FBXO31: variants seen among roughly 807,000 people sequenced by gnomAD.
FBXO31 encodes F-box protein 31.
In FBXO31, 24 loss-of-function variants were observed where a neutral mutation model predicts 54.4. The observed-to-expected ratio is 0.44, with a 90% CI of 0.32 to 0.62. The LOEUF is 0.62. Ranked by LOEUF, FBXO31 falls within the 20% of genes least tolerant of loss-of-function variation. FBXO31 has a pLI of 0.05. For synonymous variants in FBXO31, 388 were observed against 335.6 expected (o/e 1.16, Z -1.71); for missense variants, 665 against 787.1 (o/e 0.84, Z 1.86).
chr16:87,336,008 G>A lies in FBXO31; in HGVS notation c.842+147C>T, dbSNP rs1000457575. 1 of 620,726 alleles carries A rather than the reference G, an allele frequency of 1.6e-6. No individual in the cohort carries two copies. The highest frequency in any genetic ancestry group is 2.8e-6 in the Non-Finnish European group (1 of 356,168). The allele number at this position is 620,726 out of a possible 1,614,324, so 38.5% of individuals were successfully genotyped here. ...CCAAGCACCCAGAGAGAGAGGGGCT[G>A]TACTCCCAGCCCCCAGCAGGAGAGA... On this transcript the variant is annotated intron_variant, in intron 6 of 8. Transcript: ENST00000311635. This position sits in a 1 kb window ranked among gnomAD's most constrained non-coding sequence, Gnocchi z 6.5.
upstream of FBXO31, among the ~76,000 whole-genome samples, chr16:87,390,764 TTTC>T (rs1461431910): frequency 6.6e-6 from 1 of 152,056 alleles, no homozygotes; most frequent in Non-Finnish European, 1.5e-5. Flanking sequence ...TCATACTTTT[TTTC>T]TTCTTTTTTG....
chr16:87,383,913 G>T (rs1397263964), upstream of FBXO31: 9 of 384,298 alleles, frequency 2.3e-5, no homozygotes, highest in East Asian at 7.3e-5. The surrounding 1 kb of genome is among the most constrained non-coding windows in gnomAD (Gnocchi z 4.9). Flanking sequence ...TCCCCGCGGG[G>T]CGGCGACCTC....
At chr16:87,361,160 T>C (rs555476705) in intron 1 of FBXO31, among the ~76,000 whole-genome samples, 26 of 152,330 alleles carry the variant, frequency 1.7e-4, no homozygotes, top group Non-Finnish European at 2.4e-4. Flanking sequence ...AACACCTGCA[T>C]TGAGCTTTCC....
At chr16:87,382,825 G>A (rs1157716354) in intron 1 of FBXO31, among the ~76,000 whole-genome samples, 4 of 152,088 alleles carry the variant, frequency 2.6e-5, no homozygotes, top group African/African-American at 4.8e-5. Flanking sequence ...AAGTAGAGAC[G>A]GGGTTTTACC....
chr16:87,333,088 G>A (rs996048949), intron 8 of FBXO31, among the ~76,000 whole-genome samples: 14 of 152,232 alleles, frequency 9.2e-5, no homozygotes, highest in African/African-American at 3.1e-4. Context: ...AGCTCTAAAG[G>A]GTAAGGACAC....
At chr16:87,364,235 G>A (rs796337725) in intron 1 of FBXO31, among the ~76,000 whole-genome samples, 3 of 152,306 alleles carry the variant, frequency 2.0e-5, no homozygotes, top group Admixed American at 6.5e-5. Context: ...CCCACAAGAC[G>A]CCTCACCGCA....
In FBXO31 at chr16:87,336,800, T is replaced by A. The variant is rs572453484; in HGVS notation, c.733-536A>T. Among the ~76,000 whole-genome samples the A allele has an allele frequency of 4.6e-5, 7 of 152,272 alleles. No individual in the cohort carries two copies. In the South Asian group the frequency reaches 1.5e-3, roughly 32 times the overall value. The stretch of plus-strand genomic sequence containing the variant: ...CTTTTTCAAAGGAAAAGCAGGTATG[T>A]TAAGGCGGTTCCCAAAAACTCCGCA... On this transcript the variant is annotated intron_variant, in intron 5 of 8. Coordinates refer to ENST00000311635, the MANE Select transcript of FBXO31 (RefSeq NM_024735.5). This position sits in a 1 kb window ranked among gnomAD's most constrained non-coding sequence, Gnocchi z 6.5.
intron 2 of FBXO31, among the ~76,000 whole-genome samples, chr16:87,349,491 T>C (rs1339366006): frequency 1.3e-5 from 2 of 152,112 alleles, no homozygotes; most frequent in Admixed American, 6.5e-5. Context: ...CCAAGGCAGA[T>C]GGATCACGAG....
rs1276153774 is a variant in FBXO31 at position 87,346,424 on chromosome 16, A to C, written c.489+750T>G. ...CCCAAAAAGATTAACAAAGAGAAGG[A>C]AAACTTCACCGAAAAACGGGAATTT... is the stretch of plus-strand genomic sequence containing the variant. On this transcript the variant is annotated intron_variant, in intron 3 of 8. Transcript: ENST00000311635. The surrounding 1 kb of genome is among the most constrained non-coding windows in gnomAD (Gnocchi z 4.2). Among the ~76,000 whole-genome samples the C allele has an allele frequency of 3.3e-5, 5 of 152,222 alleles. No homozygotes were observed.
chr16:87,364,026 G>A (rs977587154), intron 1 of FBXO31, among the ~76,000 whole-genome samples: 4 of 152,208 alleles, frequency 2.6e-5, no homozygotes, highest in East Asian at 1.9e-4. Context: ...CAGGGCTGGC[G>A]GGGTGAGAGC....
intron 8 of FBXO31, among the ~76,000 whole-genome samples, chr16:87,332,767 C>A (rs1271504010): frequency 6.6e-6 from 1 of 152,008 alleles, no homozygotes; most frequent in Non-Finnish European, 1.5e-5. Context: ...CTGTGGCACC[C>A]TTCCCTCCGT....
rs1000666818 is a variant in FBXO31, at chr16:87,383,561, G to A, written c.184C>T (p.Pro62Ser). ...AGCTCCAGCAGCGAGCAGCGCGGGG[G>A]CGGCGGCGAGGGGCCCGCGCACAAG... The part of the protein sequence containing the change: ...GGLCAGPSPP[P>S]PRCSLLELPP... The change falls in exon 1 of 9, where the codon CCC (proline) becomes TCC (serine). Residue 62 changes from proline to serine, a missense_variant. Physicochemically the swap from Pro to Ser is moderately conservative, Grantham distance 74. Coordinates refer to ENST00000311635, the MANE Select transcript of FBXO31 (RefSeq NM_024735.5). This position sits in a 1 kb window ranked among gnomAD's most constrained non-coding sequence, Gnocchi z 4.9. 20 of 1,534,294 alleles carry A rather than the reference G, an allele frequency of 1.3e-5. No homozygotes were observed. The highest frequency in any genetic ancestry group is 2.1e-5 in the Admixed American group (1 of 47,638).
chr16:87,363,824 A>G (rs966422266), intron 1 of FBXO31, among the ~76,000 whole-genome samples: 6 of 12,624 alleles, frequency 4.8e-4, no homozygotes, highest in African/African-American at 7.5e-4. Flanking sequence ...TGTTACAAAT[A>G]ACTGGAGCAA....
chr16:87,344,783 C>T (rs1315269292), intron 3 of FBXO31, among the ~76,000 whole-genome samples: 1 of 152,192 alleles, frequency 6.6e-6, no homozygotes, highest in African/African-American at 2.4e-5. Flanking sequence ...AAGGCTGGAG[C>T]ACGCGACGCC....
chr16:87,363,437 C>T (rs932197948), intron 1 of FBXO31, among the ~76,000 whole-genome samples: 2 of 152,266 alleles, frequency 1.3e-5, no homozygotes, highest in Admixed American at 1.3e-4. Context: ...CTTTGCCTCA[C>T]GGTCTAGGGG....
At chr16:87,385,846 T>C (rs1907310283), upstream of FBXO31, among the ~76,000 whole-genome samples, 1 of 151,832 alleles carries the variant, frequency 6.6e-6, no homozygotes, top group African/African-American at 2.4e-5. Flanking sequence ...TTGTCTCTAC[T>C]GAAAAAATGC....
At chr16:87,360,221 T>C (rs1906072801) in intron 2 of FBXO31, 74 bp downstream of exon 2, 14 of 1,375,846 alleles carry the variant, frequency 1.0e-5, no homozygotes, top group Admixed American at 1.7e-5. Flanking sequence ...TCACTTTGAT[T>C]ATTTGTCATT....
Position 87,328,399 on chromosome 16 carries a change from AG to A in FBXO31, c.*2888del, listed in dbSNP as rs1904725182. 1 of 152,376 alleles carries A rather than the reference AG, an allele frequency of 6.6e-6. No individual in the cohort carries two copies. Among genetic ancestry groups the A allele is most frequent in the Admixed American group, 6.5e-5 (1 of 15,282 alleles). The allele number at this position is 152,376 out of a possible 1,614,324, so 9.4% of individuals were successfully genotyped here. A position where few individuals can be genotyped will look rare whatever the true frequency, so the allele number is the denominator to read the frequency against. On this transcript the variant is annotated 3_prime_UTR_variant, in exon 9 of 9. Coordinates refer to ENST00000311635, the MANE Select transcript of FBXO31 (RefSeq NM_024735.5). ...CAGGGCAGGGATGCCACAGAGCCGC[AG>A]GCAGACTGAAGGGGCCCAGGGCATG...
At position 87,329,691 on chromosome 16, in the gene FBXO31, G is replaced by C. The variant is rs905252736; in HGVS notation, c.*1597C>G. ...ACAAGAGCCAGCAGGTGCGCCTCGGGGTCTGCGTGGCTCCCGCTGCTGCCG... is the reference window on the plus strand; with the variant it reads ...ACAAGAGCCAGCAGGTGCGCCTCGGCGTCTGCGTGGCTCCCGCTGCTGCCG... On this transcript the variant is annotated 3_prime_UTR_variant, in exon 9 of 9. Coordinates refer to ENST00000311635, the MANE Select transcript of FBXO31 (RefSeq NM_024735.5). 1 of 152,044 alleles carries C rather than the reference G, an allele frequency of 6.6e-6. No individual in the cohort carries two copies. 9.4% of individuals were successfully genotyped at this position (152,044 alleles called of 1,614,324 possible). A position where few individuals can be genotyped will look rare whatever the true frequency, so the allele number is the denominator to read the frequency against.
Sources: gnomAD v4.1 joint callset for allele counts (sites outside exome capture counted in the v4.1 genomes callset) on GRCh38, gnomAD v4.1.1 for gene constraint, Gnocchi (gnomAD v3.1) non-coding constraint, MANE v1.5 for transcripts, NCBI Gene and HGNC (gene_info 2026-07-23, HGNC 2026-07-21) for gene names.